BRCA2: variants seen among roughly 807,000 people sequenced by gnomAD.
The protein encoded by BRCA2 is BRCA2 DNA repair associated.
In BRCA2, 203 loss-of-function variants were observed where a neutral mutation model predicts 276.7. That is an observed-to-expected ratio of 0.73 (90% CI 0.65 to 0.82). BRCA2 has a LOEUF of 0.82. Among genes scored for constraint, BRCA2 ranks in the 40% least tolerant of loss-of-function variants. BRCA2 has a pLI of 0.00. For missense variants in BRCA2, 3,920 were observed against 3,915.0 expected (o/e 1.00, Z -0.03); for synonymous variants, 1,289 against 1,338.4 (o/e 0.96, Z 0.81).
At chr13:32,375,822 A>G (rs943438785) in intron 20 of BRCA2, among the ~76,000 whole-genome samples, 2 of 151,772 alleles carry the variant, frequency 1.3e-5, no homozygotes, top group Non-Finnish European at 2.9e-5. Context: ...GGCCTCCCAA[A>G]GTGCTGGGAT....
chr13:32,317,271 G>C (rs920003033), intron 2 of BRCA2, among the ~76,000 whole-genome samples: 1 of 152,078 alleles, frequency 6.6e-6, no homozygotes, highest in Non-Finnish European at 1.5e-5. Flanking sequence ...CTAACCCATT[G>C]CATATTATCA....
Position 32,331,020 on chromosome 13 carries a change from T to G in BRCA2, c.783T>G (p.Ala261=). 1 of 1,608,182 alleles carries G rather than the reference T, an allele frequency of 6.2e-7. No homozygotes were observed. Among genetic ancestry groups the G allele is most frequent in the Non-Finnish European group, 8.5e-7 (1 of 1,174,814 alleles). Residue 261 remains alanine (A), a synonymous_variant, in exon 9 of 27, where the codon GCT becomes GCG. Coordinates refer to ENST00000380152, the MANE Select transcript of BRCA2 (RefSeq NM_000059.4). ...TDSENTNQRE[A]ASHGFGKTSG... is the part of the protein sequence containing the mutation. ...GTGAAAACACAAATCAAAGAGAAGC[T>G]GCAAGTCATGGTAAGTCCTCTGTTT...
In BRCA2 at chr13:32,346,860, A is replaced by C. The variant is rs398122574; in HGVS notation, c.6971A>C (p.His2324Pro). Reference sequence around the variant, plus strand: ...AAAGATCGAAGATTGTTTATGCATCATGTTTCTTTAGAGCCGATTACCTGT... The same window carrying C: ...AAAGATCGAAGATTGTTTATGCATCCTGTTTCTTTAGAGCCGATTACCTGT... ...TIKDRRLFMHHVSLEPITCVP... is the reference protein window; with the variant it reads ...TIKDRRLFMHPVSLEPITCVP... The change falls in exon 13 of 27, where the codon CAT becomes CCT. Residue 2324 changes from histidine to proline, a missense_variant. His to Pro is a moderately conservative substitution (Grantham distance 77). Transcript: ENST00000380152. The C allele has an allele frequency of 2.5e-6, 4 of 1,610,486 alleles. No homozygotes were observed. The Admixed American group carries it at 6.7e-5, about 27-fold the overall frequency.
At chr13:32,316,263 C>T (rs879139366) in intron 1 of BRCA2, among the ~76,000 whole-genome samples, 159 bp from the exon 2 acceptor site, 1 of 152,148 alleles carries the variant, frequency 6.6e-6, no homozygotes, top group Non-Finnish European at 1.5e-5. Flanking sequence ...GACAGCACAG[C>T]TGTAAAATGT....
chr13:32,329,433 T>C lies in BRCA2; in HGVS notation c.632-10T>C, dbSNP rs369519000. 6.3e-7 allele frequency: 1 copy of C among 1,584,954 alleles called. No homozygotes were observed. The highest frequency in any genetic ancestry group is 8.6e-7 in the Non-Finnish European group (1 of 1,156,516). On this transcript the variant is annotated splice_polypyrimidine_tract_variant and intron_variant, in intron 7 of 26. Coordinates refer to ENST00000380152, the MANE Select transcript of BRCA2 (RefSeq NM_000059.4). ...ATAATATACAATACACATAAATTTT[T>C]ATCTTACAGTCAGAAATGAAGAAGC... is the stretch of plus-strand genomic sequence containing the variant.
chr13:32,387,851 G>A (rs1229082557), intron 24 of BRCA2, among the ~76,000 whole-genome samples: 1 of 152,150 alleles, frequency 6.6e-6, no homozygotes, highest in Non-Finnish European at 1.5e-5. Context: ...CCCCTATCCT[G>A]TAATCACGTG....
intron 11 of BRCA2, among the ~76,000 whole-genome samples, chr13:32,341,892 C>T (rs965007165): frequency 4.5e-4 from 68 of 150,336 alleles, no homozygotes; most frequent in Non-Finnish European, 1.0e-4. Flanking sequence ...AGTTGGTTTC[C>T]GATTATACCA....
chr13:32,336,692 G>T lies in BRCA2; in HGVS notation c.2337G>T (p.Leu779=), dbSNP rs80359784. ...LILTPTSKDV[L]SNLVMISRGK... is the part of the protein sequence containing the mutation. ...TAACTCCTACTTCCAAGGATGTTCT[G>T]TCAAACCTAGTCATGATTTCTAGAG... The change falls in exon 11 of 27, where the codon CTG becomes CTT. Residue 779 remains leucine (L), a synonymous_variant. Coordinates refer to ENST00000380152, the MANE Select transcript of BRCA2 (RefSeq NM_000059.4). 6.2e-7 allele frequency: 1 copy of T among 1,613,838 alleles called. No individual in the cohort carries two copies. Among genetic ancestry groups the T allele is most frequent in the East Asian group, 2.2e-5 (1 of 44,866 alleles).
chr13:32,335,084 C>G (rs545746113), intron 10 of BRCA2, among the ~76,000 whole-genome samples: 1 of 152,256 alleles, frequency 6.6e-6, no homozygotes, highest in Non-Finnish European at 1.5e-5. Context: ...TGGCTCACGC[C>G]TATAATCCCA....
chr13:32,395,969 T>C (rs1445842853), intron 25 of BRCA2: 16 of 247,008 alleles, frequency 6.5e-5, no homozygotes, highest in South Asian at 1.5e-4. Flanking sequence ...TCTTTTTTTT[T>C]TTTTTTTTTT....
intron 20 of BRCA2, among the ~76,000 whole-genome samples, chr13:32,375,783 C>T (rs959382067): frequency 6.6e-6 from 1 of 152,240 alleles, no homozygotes; most frequent in Admixed American, 6.5e-5. Flanking sequence ...TGGTCACGAA[C>T]TCCGGACCTC....
In BRCA2 at chr13:32,333,318, A is replaced by AT. The variant is rs80359312; in HGVS notation, c.1842dup (p.Asn615Ter). 6.2e-7 allele frequency: 1 copy of AT among 1,608,600 alleles called. No individual in the cohort carries two copies. The highest frequency in any genetic ancestry group is 8.5e-7 in the Non-Finnish European group (1 of 1,178,758). On this transcript the variant is annotated frameshift_variant, in exon 10 of 27. Coordinates refer to ENST00000380152, the MANE Select transcript of BRCA2 (RefSeq NM_000059.4). LOFTEE classifies it high-confidence loss of function. ...ACCGAAAGACCAAAAATCAGAACTAATTAACTGTTCAGCCCAGTTTGAAGC... is the reference window on the plus strand; with the variant it reads ...ACCGAAAGACCAAAAATCAGAACTAATTTAACTGTTCAGCCCAGTTTGAAGC...
intron 13 of BRCA2, among the ~76,000 whole-genome samples, chr13:32,351,783 CATTTT>C (rs202234683): frequency 1.1e-4 from 17 of 151,802 alleles, no homozygotes; most frequent in South Asian, 1.0e-3. Flanking sequence ...TTTAATGTTA[CATTTT>C]ATTTTATTTT....
At chr13:32,361,828 T>TA (rs1019910878) in intron 16 of BRCA2, among the ~76,000 whole-genome samples, 15 of 151,928 alleles carry the variant, frequency 9.9e-5, no homozygotes, top group Non-Finnish European at 1.5e-4. Flanking sequence ...AAGGAGGAGT[T>TA]AGAGATTTGA....
rs59004709 is a variant in BRCA2, at chr13:32,379,467, G to A, written c.8905G>A (p.Val2969Met). 1.8e-4 allele frequency: 286 copies of A among 1,613,290 alleles called. No individual in the cohort carries two copies. The highest frequency in any genetic ancestry group is 3.3e-4 in the Middle Eastern group (2 of 6,056). The part of the protein sequence containing the change: ...EQGLSRDVTT[V>M]WKLRIVSYSK... ...AGGTTTATCAAGGGATGTCACAACC[G>A]TGTGGAAGTTGCGTATTGTAAGCTA... The change falls in exon 22 of 27, where the codon GTG becomes ATG. Residue 2969 changes from valine to methionine, a missense_variant. This residue lies in a region of BRCA2 where 657 missense variants were observed against 758.2 expected (regional missense o/e 0.87). Coordinates refer to ENST00000380152, the MANE Select transcript of BRCA2 (RefSeq NM_000059.4).
rs397507392 is a variant in BRCA2 at position 32,357,892 on chromosome 13, T to C, written c.7768T>C (p.Ser2590Pro). 8 of 1,614,114 alleles carry C rather than the reference T, an allele frequency of 5.0e-6. No individual in the cohort carries two copies. Among genetic ancestry groups the C allele is most frequent in the Non-Finnish European group, 6.8e-6 (8 of 1,180,008 alleles). ...GGCTGATGGTGGATGGCTCATACCC[T>C]CCAATGATGGAAAGGCTGGAAAAGA... ...QLADGGWLIP[S>P]NDGKAGKEEF... Residue 2590 changes from serine to proline, a missense_variant, in exon 16 of 27, where the codon TCC becomes CCC. Physicochemically the swap from Ser to Pro is moderately conservative, Grantham distance 74 (BLOSUM62 -1). This residue lies in a region of BRCA2 where 3,263 missense variants were observed against 3,156.9 expected (regional missense o/e 1.03). Transcript: ENST00000380152.
At position 32,355,242 on chromosome 13, in the gene BRCA2, T is replaced by A. The variant is rs2072683987; in HGVS notation, c.7389T>A (p.Asn2463Lys). 6.2e-7 allele frequency: 1 copy of A among 1,613,002 alleles called. No homozygotes were observed. The highest frequency in any genetic ancestry group is 8.5e-7 in the Non-Finnish European group (1 of 1,179,112). Residue 2463 changes from asparagine (N) to lysine (K), a missense_variant, in exon 14 of 27, where the codon AAT becomes AAA. Asn to Lys is a moderately conservative substitution (Grantham distance 94). Around this residue, in one of 2 missense-constraint regions of BRCA2, gnomAD observed 3,263 missense variants for 3,156.9 expected, o/e 1.03. Coordinates refer to ENST00000380152, the MANE Select transcript of BRCA2 (RefSeq NM_000059.4). Reference sequence around the variant, plus strand: ...ATCAGTTTAACAAAAACAACTCCAATCAAGCAGTAGCTGTAACTTTCACAA... The same window carrying A: ...ATCAGTTTAACAAAAACAACTCCAAACAAGCAGTAGCTGTAACTTTCACAA... ...EIHQFNKNNS[N>K]QAVAVTFTKC...
intron 13 of BRCA2, among the ~76,000 whole-genome samples, chr13:32,352,124 C>T (rs2072657444): frequency 6.6e-6 from 1 of 152,022 alleles, no homozygotes; most frequent in African/African-American, 2.4e-5. Flanking sequence ...TCAAAAACAC[C>T]TGATTGTGGA....
intron 24 of BRCA2, among the ~76,000 whole-genome samples, chr13:32,390,560 C>T (rs2137644723): frequency 6.6e-6 from 1 of 152,254 alleles, no homozygotes; most frequent in Non-Finnish European, 1.5e-5. Flanking sequence ...CATAGATGCT[C>T]TTTTGTTCTC....
Sources: gnomAD v4.1 joint callset for allele counts (sites outside exome capture counted in the v4.1 genomes callset) on GRCh38, gnomAD v4.1.1 for gene constraint, gnomAD v4.1.1 regional missense constraint, MANE v1.5 for transcripts, NCBI Gene and HGNC (gene_info 2026-07-23, HGNC 2026-07-21) for gene names.